The following STK32B variants were observed in gnomAD, a reference collection of about 807,000 sequenced individuals.
STK32B encodes the protein serine/threonine-protein kinase 32B.
Under a neutral mutation model 52.6 loss-of-function variants are expected in STK32B, and 43 were observed. That is an observed-to-expected ratio of 0.82 (90% CI 0.64 to 1.05). The LOEUF is 1.05. Among genes scored for constraint, STK32B ranks in the 50% least tolerant of loss-of-function variants. The probability of loss-of-function intolerance (pLI) is 0.00; values close to 1 mark genes in which losing one functional copy is unlikely to be tolerated. For synonymous variants in STK32B, 238 were observed against 204.3 expected (o/e 1.17, Z -1.41); for missense variants, 621 against 534.6 (o/e 1.16, Z -1.59).
At chr4:5,490,574 T>A (rs191714543) in intron 11 of STK32B, among the ~76,000 whole-genome samples, 43 of 152,250 alleles carry the variant, frequency 2.8e-4, no homozygotes, top group Admixed American at 1.8e-3. Flanking sequence ...TTTAATTTTT[T>A]AAATTTTTTT....
At chr4:5,465,885 G>C (rs55930778) in intron 9 of STK32B, among the ~76,000 whole-genome samples, 4 of 152,012 alleles carry the variant, frequency 2.6e-5, no homozygotes, top group Admixed American at 2.6e-4. Context: ...CCTACTTGGA[G>C]TACTTTATAG....
intron 3 of STK32B, among the ~76,000 whole-genome samples, chr4:5,216,492 CAG>C (rs1723192022): frequency 6.6e-6 from 1 of 152,146 alleles, no homozygotes; most frequent in African/African-American, 2.4e-5. Context: ...TATCTGGCAT[CAG>C]GGTCTGAGTC....
rs1047566361 is a variant in STK32B, at chr4:5,275,473, GAGA to G, written c.261-55744_261-55742del. Among the ~76,000 whole-genome samples, 101 of 152,180 alleles carry G rather than the reference GAGA, an allele frequency of 6.6e-4. 1 individual carries two copies. Among genetic ancestry groups the G allele is most frequent in the African/African-American group, 2.3e-3 (97 of 41,446 alleles). ...GGCACTCTCTCACCCAGCCAGGGAA[GAGA>G]AGGAGAAGAAGCTCTCAGAGGAGGT... On this transcript the variant is annotated intron_variant, in intron 3 of 11. Transcript: ENST00000282908.
rs1373856959 is a variant in STK32B at position 5,170,286 on chromosome 4, TA to T, written c.260+1837del. ...GGAATGTGTTGGAGTAGCCTTTACTTAGGCACCTTTTTTTATTTTTATTTTT... is the reference window on the plus strand; with the variant it reads ...GGAATGTGTTGGAGTAGCCTTTACTTGGCACCTTTTTTTATTTTTATTTTT... On this transcript the variant is annotated intron_variant, in intron 3 of 11. Transcript: ENST00000282908. Among the ~76,000 whole-genome samples, 7 of 152,228 alleles carry T rather than the reference TA, an allele frequency of 4.6e-5. No individual in the cohort carries two copies. The South Asian group carries it at 1.5e-3, about 32-fold the overall frequency.
Position 5,399,192 on chromosome 4 carries a change from A to G in STK32B, c.472+948A>G, listed in dbSNP as rs147768994. Among the ~76,000 whole-genome samples, 5 of 150,674 alleles carry G rather than the reference A, an allele frequency of 3.3e-5. No individual in the cohort carries two copies. The East Asian group carries it at 9.7e-4, about 29-fold the overall frequency. On this transcript the variant is annotated intron_variant, in intron 5 of 11. Coordinates refer to ENST00000282908, the MANE Select transcript of STK32B (RefSeq NM_018401.3). The surrounding 1 kb of genome is among the most constrained non-coding windows in gnomAD (Gnocchi z 5.4). ...TCAGGGGCCCGTCTCTCAGGGCCTAACATGGGGTTGGCTGGAGGGAGCAGG... is the reference window on the plus strand; with the variant it reads ...TCAGGGGCCCGTCTCTCAGGGCCTAGCATGGGGTTGGCTGGAGGGAGCAGG...
intron 7 of STK32B, among the ~76,000 whole-genome samples, chr4:5,456,049 T>G (rs1716482893): frequency 6.6e-6 from 1 of 151,768 alleles, no homozygotes; most frequent in South Asian, 2.1e-4. Context: ...TTCATGGGGG[T>G]TGGGGCAGGG....
chr4:5,213,406 C>T (rs180677841), intron 3 of STK32B, among the ~76,000 whole-genome samples: 117 of 152,324 alleles, frequency 7.7e-4, no homozygotes, highest in African/African-American at 2.8e-3. Context: ...CAAAGCCATC[C>T]AGAATGAAAT....
In STK32B at chr4:5,460,108, G is replaced by GT; in HGVS notation, c.789_790insT (p.Thr264TyrfsTer5). On this transcript the variant is annotated frameshift_variant, in exon 9 of 12. Coordinates refer to ENST00000282908, the MANE Select transcript of STK32B (RefSeq NM_018401.3). LOFTEE classifies it high-confidence loss of function. The surrounding 1 kb of genome is among the most constrained non-coding windows in gnomAD (Gnocchi z 4.8). ...CATTTGCCCTCTAACTGCAGCTCCT[G>GT]ACCAAGGATCCTGAGAGCCGCGTGT... is the stretch of plus-strand genomic sequence containing the variant. The GT allele has an allele frequency of 6.2e-7, 1 of 1,614,186 alleles. No individual in the cohort carries two copies. The highest frequency in any genetic ancestry group is 8.5e-7 in the Non-Finnish European group (1 of 1,180,036).
At chr4:5,442,871 T>G (rs1714930564) in intron 6 of STK32B, among the ~76,000 whole-genome samples, 1 of 152,276 alleles carries the variant, frequency 6.6e-6, no homozygotes, top group South Asian at 2.1e-4. Context: ...TGAAGCTTAG[T>G]TTGGCTGGAT....
chr4:5,428,961 C>CCAGAG (rs1713329871), intron 6 of STK32B, among the ~76,000 whole-genome samples: 1 of 152,152 alleles, frequency 6.6e-6, no homozygotes, highest in Non-Finnish European at 1.5e-5. Context: ...TGGTAAATGT[C>CCAGAG]TAACAGCTAG....
chr4:5,444,865 G>A (rs1307682973), intron 6 of STK32B, among the ~76,000 whole-genome samples: 1 of 152,172 alleles, frequency 6.6e-6, no homozygotes, highest in Admixed American at 6.5e-5. Context: ...CAGCACCAGT[G>A]GTCTTCCTGT....
At chr4:5,213,719 C>G (rs1577200776) in intron 3 of STK32B, among the ~76,000 whole-genome samples, 1 of 152,194 alleles carries the variant, frequency 6.6e-6, no homozygotes, top group East Asian at 1.9e-4. Context: ...GCCCTCCCAC[C>G]TATACTTAAG....
At chr4:5,206,891 T>A (rs1722607670) in intron 3 of STK32B, among the ~76,000 whole-genome samples, 1 of 152,196 alleles carries the variant, frequency 6.6e-6, no homozygotes, top group Admixed American at 6.5e-5. Context: ...TCTCTTTAAC[T>A]CCTTCTGTAT....
chr4:5,279,586 T>G (rs981819160), intron 3 of STK32B, among the ~76,000 whole-genome samples: 1 of 152,122 alleles, frequency 6.6e-6, no homozygotes, highest in African/African-American at 2.4e-5. Flanking sequence ...TGGTAGCTTT[T>G]TCCTCACAGC....
chr4:5,398,457 G>A lies in STK32B; in HGVS notation c.472+213G>A, dbSNP rs552560284. 1.3e-5 allele frequency among the ~76,000 whole-genome samples: 2 copies of A among 152,222 alleles called. No individual in the cohort carries two copies. Among genetic ancestry groups the A allele is most frequent in the South Asian group, 2.1e-4 (1 of 4,816 alleles). The stretch of plus-strand genomic sequence containing the variant: ...TGAATCAAAGTTATTTAAACTGTTC[G>A]CATCTGAAGTCATTGCTGTTCATAT... On this transcript the variant is annotated intron_variant, in intron 5 of 11. Coordinates refer to ENST00000282908, the MANE Select transcript of STK32B (RefSeq NM_018401.3). The surrounding 1 kb of genome is among the most constrained non-coding windows in gnomAD (Gnocchi z 4.9).
intron 11 of STK32B, among the ~76,000 whole-genome samples, chr4:5,488,918 T>C (rs1365618866): frequency 1.3e-5 from 2 of 151,968 alleles, no homozygotes; most frequent in Non-Finnish European, 2.9e-5. Flanking sequence ...TTTATGTCTG[T>C]CTTATAATTC....
At chr4:5,451,104 A>T (rs939608843) in intron 7 of STK32B, among the ~76,000 whole-genome samples, 1 of 152,244 alleles carries the variant, frequency 6.6e-6, no homozygotes, top group East Asian at 1.9e-4. Flanking sequence ...TAATCAGGGC[A>T]TAGGCGGTGT....
At chr4:5,044,938 G>T in the STK32B span, among the ~76,000 whole-genome samples, 6 of 152,144 alleles carry the variant, frequency 3.9e-5, no homozygotes, top group African/African-American at 9.6e-5. Context: ...AAAACCAAAA[G>T]CCCAAAATAT....
At chr4:5,142,368 T>G (rs1225764358) in intron 2 of STK32B, among the ~76,000 whole-genome samples, 2 of 152,210 alleles carry the variant, frequency 1.3e-5, no homozygotes, top group Non-Finnish European at 2.9e-5. Flanking sequence ...ACACGACACA[T>G]TTGGTATTAA....
Sources: allele counts gnomAD v4.1 joint callset (sites outside exome capture counted in the v4.1 genomes callset), GRCh38; gene constraint gnomAD v4.1.1; non-coding constraint Gnocchi (gnomAD v3.1); transcripts MANE v1.5; gene names NCBI Gene and HGNC (gene_info 2026-07-23, HGNC 2026-07-21).